The following ZNF521 variants were observed in gnomAD, a reference collection of about 807,000 sequenced individuals.
The protein encoded by ZNF521 is zinc finger protein 521.
A neutral mutation model predicts 105.5 loss-of-function variants in ZNF521; 14 were observed. The observed-to-expected ratio is 0.13, with a 90% confidence interval of 0.09 to 0.21. The LOEUF is 0.21. ZNF521 is among the 10% of genes least tolerant of loss of function. The pLI is 1.00. For synonymous variants in ZNF521, 635 were observed against 606.0 expected (o/e 1.05, Z -0.70); for missense variants, 1,233 against 1,629.7 (o/e 0.76, Z 4.19).
intron 3 of ZNF521, among the ~76,000 whole-genome samples, chr18:25,305,954 G>A (rs1911950527): frequency 6.6e-6 from 1 of 152,168 alleles, no homozygotes; most frequent in Admixed American, 6.5e-5. Context: ...AACCACAAAA[G>A]GCAGGCAATG....
At chr18:25,261,651 G>A (rs1248124902) in intron 3 of ZNF521, among the ~76,000 whole-genome samples, 1 of 149,918 alleles carries the variant, frequency 6.7e-6, no homozygotes, top group African/African-American at 2.5e-5. Flanking sequence ...TTTTCTCTCT[G>A]TGTATATGCT....
intron 2 of ZNF521, among the ~76,000 whole-genome samples, chr18:25,346,589 C>T (rs1325087685): frequency 6.6e-6 from 1 of 152,100 alleles, no homozygotes; most frequent in Non-Finnish European, 1.5e-5. Flanking sequence ...TAAGTTTTGC[C>T]ACTCTATTAC....
At chr18:25,168,954 G>GGTGT (rs33910445) in intron 5 of ZNF521, among the ~76,000 whole-genome samples, 46 of 150,348 alleles carry the variant, frequency 3.1e-4, no homozygotes, top group Middle Eastern at 6.9e-3. Flanking sequence ...CTGTGTCTGG[G>GGTGT]GTGTGTGTGT....
intron 3 of ZNF521, chr18:25,273,661 G>A (rs1370426862): frequency 6.6e-6 from 1 of 152,222 alleles, no homozygotes; most frequent in Admixed American, 6.5e-5. Context: ...AGTACTTAGA[G>A]TGTAAGGCAT....
At chr18:25,236,685 A>G (rs894640426) in intron 3 of ZNF521, among the ~76,000 whole-genome samples, 14 of 152,208 alleles carry the variant, frequency 9.2e-5, no homozygotes, top group Admixed American at 7.9e-4. Flanking sequence ...ATTACCTTTC[A>G]CATTAACACT....
At chr18:25,157,480 A>G (rs1003844054) in intron 5 of ZNF521, among the ~76,000 whole-genome samples, 1 of 152,226 alleles carries the variant, frequency 6.6e-6, no homozygotes, top group East Asian at 1.9e-4. Flanking sequence ...AATTTATCCT[A>G]AGGAGATAAT....
Position 25,308,659 on chromosome 18 carries a change from C to G in ZNF521, c.220+13349G>C, listed in dbSNP as rs111743687. On this transcript the variant is annotated intron_variant, in intron 3 of 7. Coordinates refer to ENST00000361524, the MANE Select transcript of ZNF521 (RefSeq NM_015461.3). ...TTGGCCTTAATGACATCCCCCCCCC[C>G]CCACCCGCCACAGCCCCTCCAAAAT... is the stretch of plus-strand genomic sequence containing the variant. Among the ~76,000 whole-genome samples the G allele has an allele frequency of 3.0e-4, 44 of 145,096 alleles. 2 individuals carry two copies. The South Asian group carries it at 5.1e-3, about 17-fold the overall frequency.
chr18:25,140,002 G>A (rs987369786), intron 5 of ZNF521, among the ~76,000 whole-genome samples: 10 of 152,124 alleles, frequency 6.6e-5, no homozygotes, highest in Admixed American at 2.0e-4. Flanking sequence ...ACAATCTGCA[G>A]GTGCCTTGAT....
rs567087767 is a variant in ZNF521 at position 25,108,709 on chromosome 18, C to T, written c.3659-16628G>A. ...GCTCGATCTTGGCTCACTGCCATCT[C>T]CGCCTCCCTGGTTCAAGTGATTCTC... is the stretch of plus-strand genomic sequence containing the variant. On this transcript the variant is annotated intron_variant, in intron 5 of 7. Coordinates refer to ENST00000361524, the MANE Select transcript of ZNF521 (RefSeq NM_015461.3). 1.5e-4 allele frequency among the ~76,000 whole-genome samples: 23 copies of T among 152,290 alleles called. 2 individuals are homozygous for T. In the South Asian group the frequency reaches 4.4e-3, roughly 29 times the overall value.
intron 3 of ZNF521, among the ~76,000 whole-genome samples, chr18:25,299,606 G>A (rs986299681): frequency 1.3e-5 from 2 of 152,144 alleles, no homozygotes; most frequent in African/African-American, 4.8e-5. Context: ...ATACTGGTCA[G>A]GGTGAGAAAC....
chr18:25,194,447 C>A (rs1484112122), intron 5 of ZNF521, among the ~76,000 whole-genome samples: 1 of 151,404 alleles, frequency 6.6e-6, no homozygotes, highest in Non-Finnish European at 1.5e-5. Flanking sequence ...AGGCAGTAAT[C>A]CATGAGGAAT....
At chr18:25,089,061 C>T (rs1567956718) in intron 7 of ZNF521, among the ~76,000 whole-genome samples, 1 of 152,224 alleles carries the variant, frequency 6.6e-6, no homozygotes, top group Non-Finnish European at 1.5e-5. Context: ...TCCCCTCTCC[C>T]TTCCAATTTT....
intron 2 of ZNF521, among the ~76,000 whole-genome samples, chr18:25,338,938 T>G (rs1914048046): frequency 6.6e-6 from 1 of 152,150 alleles, no homozygotes; most frequent in African/African-American, 2.4e-5. Context: ...GATCAAGTAT[T>G]TAGAGAGCAT....
At chr18:25,160,406 T>C (rs1426380700) in intron 5 of ZNF521, among the ~76,000 whole-genome samples, 1 of 152,210 alleles carries the variant, frequency 6.6e-6, no homozygotes, top group East Asian at 1.9e-4. Context: ...CACTACGTGA[T>C]TAATTTGAAG....
Position 25,062,187 on chromosome 18 carries a change from A to G in ZNF521, c.*525T>C. 1 of 203,830 alleles carries G rather than the reference A, an allele frequency of 4.9e-6. No homozygotes were observed. Among genetic ancestry groups the G allele is most frequent in the East Asian group, 7.6e-5 (1 of 13,114 alleles). 12.6% of individuals were successfully genotyped at this position (203,830 alleles called of 1,614,324 possible). On this transcript the variant is annotated 3_prime_UTR_variant, in exon 8 of 8. Transcript: ENST00000361524. ...GTCACATTGCAAGGCTTACAAATAT[A>G]TATATACGGGCCTTATCCAGCTGTG...
At chr18:25,092,484 A>C (rs2033767018) in intron 5 of ZNF521, among the ~76,000 whole-genome samples, 1 of 152,064 alleles carries the variant, frequency 6.6e-6, no homozygotes, top group African/African-American at 2.4e-5. Context: ...AGGGTCCTGG[A>C]AGTGTCTATT....
At chr18:25,113,589 G>A (rs2034239174) in intron 5 of ZNF521, among the ~76,000 whole-genome samples, 1 of 151,958 alleles carries the variant, frequency 6.6e-6, no homozygotes, top group Admixed American at 6.6e-5. Context: ...ATTTAGAGAG[G>A]GAGAAAAGGG....
intron 2 of ZNF521, among the ~76,000 whole-genome samples, chr18:25,325,894 G>A (rs574852793): frequency 1.3e-5 from 2 of 152,312 alleles, no homozygotes; most frequent in Admixed American, 6.5e-5. Flanking sequence ...TTCTCTGGCA[G>A]GTGGTTCTTT....
At chr18:25,134,686 C>T (rs1368548448) in intron 5 of ZNF521, among the ~76,000 whole-genome samples, 3 of 152,264 alleles carry the variant, frequency 2.0e-5, no homozygotes, top group Non-Finnish European at 4.4e-5. Context: ...CTAAGACTGA[C>T]ATCTCTGAGA....
Sources: allele counts gnomAD v4.1 joint callset (sites outside exome capture counted in the v4.1 genomes callset), GRCh38; gene constraint gnomAD v4.1.1; transcripts MANE v1.5; gene names NCBI Gene and HGNC (gene_info 2026-07-23, HGNC 2026-07-21).